The following FBXL5 variants were observed in gnomAD, a reference collection of about 807,000 sequenced individuals.
The protein encoded by FBXL5 is F-box/LRR-repeat protein 5.
Under a neutral mutation model 78.3 loss-of-function variants are expected in FBXL5, and 26 were observed. That is an observed-to-expected ratio of 0.33 (90% CI 0.24 to 0.46). FBXL5 has a LOEUF of 0.46. Among genes scored for constraint, FBXL5 ranks in the 20% least tolerant of loss-of-function variants. The pLI, the probability that FBXL5 is intolerant of heterozygous loss-of-function variation, is 1.00. For missense variants in FBXL5, 710 were observed against 829.2 expected (o/e 0.86, Z 1.77); for synonymous variants, 295 against 282.5 (o/e 1.04, Z -0.45).
intron 1 of FBXL5, among the ~76,000 whole-genome samples, chr4:15,667,177 C>T (rs1007791498): frequency 2.0e-5 from 3 of 152,162 alleles, no homozygotes; most frequent in Non-Finnish European, 2.9e-5. Flanking sequence ...GAATACACGT[C>T]GTAGTACTTA....
chr4:15,674,165 A>T (rs1180710002), intron 1 of FBXL5, among the ~76,000 whole-genome samples: 4 of 152,050 alleles, frequency 2.6e-5, no homozygotes, highest in Non-Finnish European at 5.9e-5. Flanking sequence ...ACTTCTCTGG[A>T]AATACTAAAG....
At chr4:15,607,985 T>G (rs1721997444) in intron 10 of FBXL5, among the ~76,000 whole-genome samples, 1 of 152,204 alleles carries the variant, frequency 6.6e-6, no homozygotes, top group Non-Finnish European at 1.5e-5. Flanking sequence ...ACTGCGACTC[T>G]AAGCAAAATA....
chr4:15,613,773 G>A (rs1283244723), intron 9 of FBXL5, among the ~76,000 whole-genome samples: 1 of 152,110 alleles, frequency 6.6e-6, no homozygotes, highest in East Asian at 1.9e-4. Context: ...TTCATTTCCA[G>A]AAGCTGAGAT....
chr4:15,647,271 TA>T (rs1358345889), intron 1 of FBXL5, among the ~76,000 whole-genome samples: 2 of 19,786 alleles, frequency 1.0e-4, no homozygotes, highest in Non-Finnish European at 1.9e-4. Flanking sequence ...AAAATAAAAA[TA>T]AACAACAACA....
intron 9 of FBXL5, among the ~76,000 whole-genome samples, chr4:15,613,994 T>C (rs1318027558): frequency 1.3e-5 from 2 of 152,242 alleles, no homozygotes; most frequent in African/African-American, 2.4e-5. Context: ...GTGTGTTCCT[T>C]TGGGAGTGTT....
chr4:15,672,064 T>C (rs934339721), intron 1 of FBXL5, among the ~76,000 whole-genome samples: 2 of 152,246 alleles, frequency 1.3e-5, no homozygotes, highest in South Asian at 4.1e-4. Flanking sequence ...TGGATGTTTT[T>C]GTATCCCTAT....
At chr4:15,654,081 G>T (rs985155990) in intron 1 of FBXL5, among the ~76,000 whole-genome samples, 1 of 152,126 alleles carries the variant, frequency 6.6e-6, no homozygotes, top group Non-Finnish European at 1.5e-5. Context: ...TAAATTGCTG[G>T]TCTTGAGTGT....
At chr4:15,635,679 G>C (rs1037909275) in intron 5 of FBXL5, among the ~76,000 whole-genome samples, 1 of 151,682 alleles carries the variant, frequency 6.6e-6, no homozygotes, top group Non-Finnish European at 1.5e-5. Flanking sequence ...CTTGAACCTG[G>C]GAGGCAGAGG....
intron 10 of FBXL5, among the ~76,000 whole-genome samples, chr4:15,608,479 T>C (rs1210868228): frequency 6.6e-6 from 1 of 151,808 alleles, no homozygotes; most frequent in Non-Finnish European, 1.5e-5. Context: ...TTTTACCCTG[T>C]ATTAGGTAAA....
At chr4:15,665,443 C>T (rs963534073) in intron 1 of FBXL5, among the ~76,000 whole-genome samples, 1 of 152,122 alleles carries the variant, frequency 6.6e-6, no homozygotes, top group African/African-American at 2.4e-5. Context: ...GATGGTCTAC[C>T]TTGCAGGAAT....
chr4:15,655,031 C>CAGCGGGCGGGCAGGCTGCGGG (rs1202848009), intron 1 of FBXL5, among the ~76,000 whole-genome samples, 173 bp downstream of exon 1: 2 of 151,062 alleles, frequency 1.3e-5, no homozygotes, highest in African/African-American at 4.8e-5. Flanking sequence ...GAAGGCCTCG[C>CAGCGGGCGGGCAGGCTGCGGG]AGCGGGCGGG....
At chr4:15,657,618 T>C (rs971751411), upstream of FBXL5, among the ~76,000 whole-genome samples, 2 of 152,248 alleles carry the variant, frequency 1.3e-5, no homozygotes, top group African/African-American at 4.8e-5. Context: ...GAATTTGTTT[T>C]AGATGACAAA....
chr4:15,666,023 T>TA (rs201861584), intron 1 of FBXL5, among the ~76,000 whole-genome samples: 40,742 of 148,176 alleles, frequency 0.27, 5,604 homozygotes, highest in East Asian at 0.45. Context: ...AACCTTTTTT[T>TA]AAAAAAAAAA....
At chr4:15,668,260 A>G (rs974797705) in intron 1 of FBXL5, among the ~76,000 whole-genome samples, 2 of 151,182 alleles carry the variant, frequency 1.3e-5, no homozygotes, top group African/African-American at 2.4e-5. Context: ...GGTATTTTCA[A>G]ATTTATAACT....
upstream of FBXL5, chr4:15,656,263 C>T (rs959946450): frequency 4.4e-6 from 2 of 456,222 alleles, no homozygotes; most frequent in African/African-American, 2.0e-5. Flanking sequence ...CATAAATCGC[C>T]TGGCCCTGGC....
chr4:15,676,909 CAAAAAGACA>C (rs972118304), intron 1 of FBXL5, among the ~76,000 whole-genome samples: 1 of 151,692 alleles, frequency 6.6e-6, no homozygotes, highest in Non-Finnish European at 1.5e-5. Context: ...CTTAAGAAAA[CAAAAAGACA>C]AAAAAAGTAG....
chr4:15,666,019 TTTTTA>T (rs1390502478), intron 1 of FBXL5, among the ~76,000 whole-genome samples: 2 of 139,478 alleles, frequency 1.4e-5, no homozygotes, highest in Admixed American at 1.5e-4. Flanking sequence ...TGACAACCTT[TTTTTA>T]AAAAAAAAAA....
intron 9 of FBXL5, among the ~76,000 whole-genome samples, chr4:15,621,140 G>C (rs1343740891): frequency 6.6e-6 from 1 of 152,054 alleles, no homozygotes; most frequent in East Asian, 1.9e-4. Context: ...AGCTGGTCTC[G>C]GCAGTCTATT....
At chr4:15,624,256 A>T (rs547092850) in intron 9 of FBXL5, among the ~76,000 whole-genome samples, 20 of 152,324 alleles carry the variant, frequency 1.3e-4, no homozygotes, top group African/African-American at 4.8e-4. Flanking sequence ...CCAAAGGCTC[A>T]TGTCAAAGAT....
Sources: gnomAD v4.1 joint callset for allele counts (sites outside exome capture counted in the v4.1 genomes callset) on GRCh38, gnomAD v4.1.1 for gene constraint, MANE v1.5 for transcripts, NCBI Gene and HGNC (gene_info 2026-07-23, HGNC 2026-07-21) for gene names.